ELOVL7: variants seen among roughly 807,000 people sequenced by gnomAD.
ELOVL7 encodes ELOVL fatty acid elongase 7.
ELOVL7 carries 27 observed loss-of-function variants against 35.7 expected under a neutral mutation model. That is an observed-to-expected ratio of 0.76 (90% CI 0.56 to 1.04). The LOEUF (loss-of-function observed/expected upper bound fraction) is 1.04. ELOVL7 is among the 50% of genes least tolerant of loss of function. The pLI is 0.00. For synonymous variants in ELOVL7, 113 were observed against 114.6 expected, an observed-to-expected ratio of 0.99 and a Z score of 0.09; for missense variants, 327 against 340.8, an observed-to-expected ratio of 0.96 and a Z score of 0.32.
intron 2 of ELOVL7, among the ~76,000 whole-genome samples, chr5:60,794,584 A>G (rs971232366): frequency 1.1e-4 from 16 of 152,334 alleles, no homozygotes; most frequent in Admixed American, 9.8e-4. Context: ...AAATGTAGAG[A>G]TTTATTCTAA....
chr5:60,809,802 AAC>A (rs1745142525), intron 1 of ELOVL7, among the ~76,000 whole-genome samples: 1 of 152,224 alleles, frequency 6.6e-6, no homozygotes. Flanking sequence ...CAAACAGACT[AAC>A]AATCCTAATT....
intron 7 of ELOVL7, among the ~76,000 whole-genome samples, chr5:60,760,941 A>G (rs934215809): frequency 6.6e-6 from 1 of 152,212 alleles, no homozygotes; most frequent in African/African-American, 2.4e-5. Flanking sequence ...TGTAGCCAAG[A>G]GTGTTTAGTA....
intron 1 of ELOVL7, among the ~76,000 whole-genome samples, chr5:60,830,609 C>CTT (rs55973952): frequency 4.7e-5 from 6 of 127,406 alleles, no homozygotes; most frequent in African/African-American, 1.4e-4. Context: ...TTCTTTCTTT[C>CTT]TTTTTTTTTT....
intron 7 of ELOVL7, among the ~76,000 whole-genome samples, chr5:60,761,572 C>A (rs373704754): frequency 0.013 from 1,995 of 152,188 alleles, 20 homozygotes; most frequent in Non-Finnish European, 0.022. Context: ...ACTCTTTTAT[C>A]AGACATATTT....
At chr5:60,836,951 C>T (rs1746832394) in intron 1 of ELOVL7, among the ~76,000 whole-genome samples, 2 of 151,772 alleles carry the variant, frequency 1.3e-5, no homozygotes, top group Admixed American at 1.3e-4. Flanking sequence ...AAATATCAAC[C>T]CAGAGAGTTA....
chr5:60,766,485 G>A (rs1315905539), intron 6 of ELOVL7, 89 bp downstream of exon 6: 1 of 1,097,686 alleles, frequency 9.1e-7, no homozygotes, highest in African/African-American at 1.6e-5. Context: ...TGAAACTACA[G>A]CAGTTTATTG....
chr5:60,799,256 C>G (rs562949515), intron 1 of ELOVL7, 26 bp from the exon 2 acceptor site: 87 of 151,620 alleles, frequency 5.7e-4, no homozygotes, highest in Non-Finnish European at 8.8e-4. Flanking sequence ...AAAAAAACTT[C>G]AAATAAATAA....
intron 2 of ELOVL7, among the ~76,000 whole-genome samples, chr5:60,789,815 G>T (rs954258931): frequency 6.6e-6 from 1 of 152,138 alleles, no homozygotes; most frequent in African/African-American, 2.4e-5. Flanking sequence ...TACTGATATG[G>T]AAATATTTCC....
intron 8 of ELOVL7, among the ~76,000 whole-genome samples, chr5:60,756,850 C>A (rs1008846915): frequency 1.3e-5 from 2 of 151,906 alleles, no homozygotes; most frequent in Non-Finnish European, 1.5e-5. Flanking sequence ...TAATAGACAC[C>A]AATAAAATGT....
intron 7 of ELOVL7, among the ~76,000 whole-genome samples, chr5:60,761,136 T>A (rs114843744): frequency 2.9e-4 from 44 of 152,328 alleles, no homozygotes; most frequent in African/African-American, 1.1e-3. Context: ...TTCTTCTTTA[T>A]GATAATGGGT....
Position 60,796,529 on chromosome 5 carries a change from A to T in ELOVL7, c.-35+2651T>A, listed in dbSNP as rs551156871. ...CAAAAACATTTCCAGAAATTGCCAA[A>T]CGTCCCCTGTGGGGCAAAATCCTCC... is the stretch of plus-strand genomic sequence containing the variant. On this transcript the variant is annotated intron_variant, in intron 2 of 8. Coordinates refer to ENST00000508821, the MANE Select transcript of ELOVL7 (RefSeq NM_024930.3). Among the ~76,000 whole-genome samples the T allele has an allele frequency of 7.9e-5, 12 of 152,292 alleles. No homozygotes were observed. The South Asian group carries it at 1.2e-3, about 16-fold the overall frequency.
intron 3 of ELOVL7, among the ~76,000 whole-genome samples, chr5:60,778,650 G>A (rs1179533163): frequency 6.6e-6 from 1 of 152,164 alleles, no homozygotes; most frequent in Non-Finnish European, 1.5e-5. Context: ...AACATGTGGG[G>A]ATTATAGGAA....
intron 1 of ELOVL7, among the ~76,000 whole-genome samples, chr5:60,817,425 A>G (rs986381643): frequency 6.6e-6 from 1 of 151,662 alleles, no homozygotes; most frequent in African/African-American, 2.4e-5. Flanking sequence ...CCAAGACCAT[A>G]AAGTCTGATA....
At chr5:60,818,740 G>A (rs1745685136) in intron 1 of ELOVL7, among the ~76,000 whole-genome samples, 1 of 151,946 alleles carries the variant, frequency 6.6e-6, no homozygotes, top group African/African-American at 2.4e-5. Context: ...GGGCATGGTG[G>A]CTCACGCCTG....
At chr5:60,828,991 G>T (rs977855591) in intron 1 of ELOVL7, among the ~76,000 whole-genome samples, 1 of 151,960 alleles carries the variant, frequency 6.6e-6, no homozygotes, top group African/African-American at 2.4e-5. Context: ...ATTTTTAGAG[G>T]TATACTGGAA....
chr5:60,761,575 A>T (rs1408369859), intron 7 of ELOVL7, among the ~76,000 whole-genome samples: 1 of 152,140 alleles, frequency 6.6e-6, no homozygotes. Flanking sequence ...CTTTTATCAG[A>T]CATATTTCTT....
intron 1 of ELOVL7, among the ~76,000 whole-genome samples, chr5:60,809,742 G>GA (rs919218094): frequency 6.6e-6 from 1 of 152,070 alleles, no homozygotes; most frequent in African/African-American, 2.4e-5. Context: ...CAGGAAATCA[G>GA]AAAAAAAGTA....
intron 2 of ELOVL7, among the ~76,000 whole-genome samples, chr5:60,788,386 C>T (rs1743726473): frequency 6.6e-6 from 1 of 151,920 alleles, no homozygotes; most frequent in African/African-American, 2.4e-5. Context: ...GTACTTAATG[C>T]CACGGAAATT....
intron 6 of ELOVL7, among the ~76,000 whole-genome samples, chr5:60,764,920 C>T (rs779776035): frequency 6.6e-6 from 1 of 151,976 alleles, no homozygotes; most frequent in African/African-American, 2.4e-5. Flanking sequence ...TCAGAGTGAA[C>T]GTTATCCAGT....
Sources: gnomAD v4.1 joint callset for allele counts (sites outside exome capture counted in the v4.1 genomes callset) on GRCh38, gnomAD v4.1.1 for gene constraint, MANE v1.5 for transcripts, NCBI Gene and HGNC (gene_info 2026-07-23, HGNC 2026-07-21) for gene names.